DHRS3: variants seen among roughly 807,000 people sequenced by gnomAD.
DHRS3 encodes dehydrogenase/reductase 3.
Under a neutral mutation model 27.2 loss-of-function variants are expected in DHRS3, and 14 were observed. That is an observed-to-expected ratio of 0.52 (90% CI 0.34 to 0.81). The LOEUF (loss-of-function observed/expected upper bound fraction) is 0.81, where lower values mean the gene tolerates loss of function less well. Ranked by LOEUF, DHRS3 falls within the 30% of genes least tolerant of loss-of-function variation. The probability of loss-of-function intolerance (pLI) is 0.01; values close to 1 mark genes in which losing one functional copy is unlikely to be tolerated. For synonymous variants in DHRS3, 165 were observed against 175.9 expected (o/e 0.94, Z 0.49); for missense variants, 322 against 406.2 (o/e 0.79, Z 1.78).
chr1:12,604,162 C>A (rs1278928435), intron 1 of DHRS3, among the ~76,000 whole-genome samples: 3 of 152,190 alleles, frequency 2.0e-5, no homozygotes, highest in Non-Finnish European at 4.4e-5. Context: ...GTTCCTGCAA[C>A]CCCCTCAGTT....
chr1:12,595,346 G>A (rs761512971), intron 1 of DHRS3, among the ~76,000 whole-genome samples: 1 of 152,016 alleles, frequency 6.6e-6, no homozygotes, highest in Non-Finnish European at 1.5e-5. Flanking sequence ...AAGCCTCAGC[G>A]GGTCGGGCAG....
At chr1:12,614,911 G>A (rs181080305) in intron 1 of DHRS3, among the ~76,000 whole-genome samples, 1 of 152,166 alleles carries the variant, frequency 6.6e-6, no homozygotes, top group Non-Finnish European at 1.5e-5. Flanking sequence ...TGCAGGCTGC[G>A]GGTGGCACTG....
chr1:12,597,120 AGGCTGGAGTGCAGT>A (rs781503647), intron 1 of DHRS3, among the ~76,000 whole-genome samples: 9 of 152,054 alleles, frequency 5.9e-5, no homozygotes, highest in Non-Finnish European at 1.3e-4. Flanking sequence ...TCTGTCACCC[AGGCTGGAGTGCAGT>A]GGCGCGATCT....
At chr1:12,580,757 T>TTCAAGACAAA in intron 1 of DHRS3, 91 bp from the exon 2 acceptor site, 3 of 1,479,254 alleles carry the variant, frequency 2.0e-6, no homozygotes, top group Non-Finnish European at 2.7e-6. Context: ...TTAAAGTCAT[T>TTCAAGACAAA]TGTCTTGAAA....
intron 1 of DHRS3, among the ~76,000 whole-genome samples, chr1:12,590,643 A>G (rs767625320): frequency 1.9e-4 from 27 of 144,816 alleles, no homozygotes; most frequent in Admixed American, 2.7e-4. Context: ...CTCTGTCGCT[A>G]AAAAAAAAAA....
intron 1 of DHRS3, among the ~76,000 whole-genome samples, chr1:12,585,699 C>T (rs188599780): frequency 4.6e-5 from 7 of 152,324 alleles, no homozygotes; most frequent in African/African-American, 7.2e-5. Context: ...CTGGCAGATA[C>T]CGCTCTGCAG....
rs1414738396 is a variant in DHRS3 at position 12,578,004 on chromosome 1, A to G, written c.698+714T>C. ...CGCCTCCCTCCCAGGTTACACCCCC[A>G]GCCCTCCAGGGGAAGCCACGGGTCT... On this transcript the variant is annotated intron_variant, in intron 4 of 5. Coordinates refer to ENST00000616661, the MANE Select transcript of DHRS3 (RefSeq NM_004753.7). The surrounding 1 kb of genome is among the most constrained non-coding windows in gnomAD (Gnocchi z 4.5). Among the ~76,000 whole-genome samples the G allele has an allele frequency of 1.3e-5, 2 of 152,130 alleles. No individual in the cohort carries two copies. Among genetic ancestry groups the G allele is most frequent in the Non-Finnish European group, 2.9e-5 (2 of 68,008 alleles).
In DHRS3 at chr1:12,578,418, G is replaced by A. The variant is rs1338151324; in HGVS notation, c.698+300C>T. Among the ~76,000 whole-genome samples, 1 of 152,156 alleles carries A rather than the reference G, an allele frequency of 6.6e-6. No homozygotes were observed. The highest frequency in any genetic ancestry group is 2.4e-5 in the African/African-American group (1 of 41,436). On this transcript the variant is annotated intron_variant, in intron 4 of 5. Transcript: ENST00000616661. The surrounding 1 kb of genome is among the most constrained non-coding windows in gnomAD (Gnocchi z 4.5). The stretch of plus-strand genomic sequence containing the variant: ...CTCAACTTCCTGGGCTCAAGCAATT[G>A]ATCCTCCCACCTCAGCCTCCCAGAT...
chr1:12,610,380 G>A (rs547549948), intron 1 of DHRS3, among the ~76,000 whole-genome samples: 56 of 151,852 alleles, frequency 3.7e-4, no homozygotes, highest in Non-Finnish European at 6.9e-4. Flanking sequence ...GCATGAGAAT[G>A]TACTGTTCTA....
intron 1 of DHRS3, among the ~76,000 whole-genome samples, chr1:12,596,462 C>T (rs889849660): frequency 6.6e-6 from 1 of 152,164 alleles, no homozygotes; most frequent in African/African-American, 2.4e-5. Flanking sequence ...GCAGGGATGG[C>T]TTCCAGGTAT....
At chr1:12,572,945 T>C (rs1646552385) in intron 4 of DHRS3, 92 bp from the exon 5 acceptor site, 1 of 1,448,122 alleles carries the variant, frequency 6.9e-7, no homozygotes, top group Admixed American at 2.8e-5. Context: ...GGGTCACCCT[T>C]TGGCTTTTCC....
At chr1:12,590,614 A>T (rs1557523463) in intron 1 of DHRS3, among the ~76,000 whole-genome samples, 1 of 152,074 alleles carries the variant, frequency 6.6e-6, no homozygotes, top group Non-Finnish European at 1.5e-5. Context: ...CCGACCTAGA[A>T]TAGTCATTTC....
Position 12,591,969 on chromosome 1 carries a change from C to T in DHRS3, c.196-11303G>A, listed in dbSNP as rs937917242. On this transcript the variant is annotated intron_variant, in intron 1 of 5. Coordinates refer to ENST00000616661, the MANE Select transcript of DHRS3 (RefSeq NM_004753.7). The surrounding 1 kb of genome is among the most constrained non-coding windows in gnomAD (Gnocchi z 4.1). Reference sequence around the variant, plus strand: ...GGCAGAGATGTTCCTTGCCCCTCTGCGAGGACACTGGGGCTCTGATGGGGC... The same window carrying T: ...GGCAGAGATGTTCCTTGCCCCTCTGTGAGGACACTGGGGCTCTGATGGGGC... 1.9e-4 allele frequency among the ~76,000 whole-genome samples: 29 copies of T among 152,286 alleles called. No individual in the cohort carries two copies. The highest frequency in any genetic ancestry group is 3.4e-3 in the Middle Eastern group (1 of 294).
At chr1:12,589,134 A>G (rs1646723660) in intron 1 of DHRS3, among the ~76,000 whole-genome samples, 1 of 152,178 alleles carries the variant, frequency 6.6e-6, no homozygotes, top group South Asian at 2.1e-4. Flanking sequence ...AGCTTTTAAG[A>G]CATTAAGGTT....
chr1:12,571,926 G>A (rs1038487079), intron 5 of DHRS3, among the ~76,000 whole-genome samples: 3 of 152,074 alleles, frequency 2.0e-5, no homozygotes, highest in Non-Finnish European at 4.4e-5. Context: ...TACGTGACAC[G>A]AGATATCACA....
At chr1:12,582,690 T>C (rs1000249653) in intron 1 of DHRS3, among the ~76,000 whole-genome samples, 2 of 152,174 alleles carry the variant, frequency 1.3e-5, no homozygotes, top group Admixed American at 6.5e-5. Context: ...CTTGCAGCCA[T>C]TGTCATCCAG....
At chr1:12,601,144 C>T (rs1646833251) in intron 1 of DHRS3, among the ~76,000 whole-genome samples, 1 of 152,006 alleles carries the variant, frequency 6.6e-6, no homozygotes, top group South Asian at 2.1e-4. Flanking sequence ...AGAAGGTGTA[C>T]TGGACCCCTT....
intron 1 of DHRS3, chr1:12,616,937 C>T (rs937301581): frequency 1.1e-5 from 10 of 873,214 alleles, no homozygotes; most frequent in Non-Finnish European, 1.2e-5. Context: ...CCACCGATCC[C>T]AAAGGAGCGG....
intron 1 of DHRS3, among the ~76,000 whole-genome samples, chr1:12,583,676 GTCCATCCA>G (rs1178131261): frequency 7.8e-6 from 1 of 128,020 alleles, no homozygotes; most frequent in Non-Finnish European, 1.6e-5. Context: ...CCATTCATCT[GTCCATCCA>G]TCCATCCACC....
Sources: allele counts gnomAD v4.1 joint callset (sites outside exome capture counted in the v4.1 genomes callset), GRCh38; gene constraint gnomAD v4.1.1; non-coding constraint Gnocchi (gnomAD v3.1); transcripts MANE v1.5; gene names NCBI Gene and HGNC (gene_info 2026-07-23, HGNC 2026-07-21).